Variants in ACTR3C observed in about 807,000 individuals in gnomAD.
ACTR3C encodes the protein actin related protein 3C, also known as actin-related protein 3C.
In ACTR3C, 18 loss-of-function variants were observed where a neutral mutation model predicts 26.3. The observed-to-expected ratio is 0.68, with a 90% CI of 0.47 to 1.01. The LOEUF is 1.01. Ranked by LOEUF, ACTR3C falls within the 50% of genes least tolerant of loss-of-function variation. The pLI, the probability that ACTR3C is intolerant of heterozygous loss-of-function variation, is 0.00. For missense variants in ACTR3C, 184 were observed against 250.7 expected, an observed-to-expected ratio of 0.73 and a Z score of 1.80; for synonymous variants, 55 against 94.5, an observed-to-expected ratio of 0.58 and a Z score of 2.42.
chr7:150,099,863 C>A, the ACTR3C span, among the ~76,000 whole-genome samples: 1 of 151,518 alleles, frequency 6.6e-6, no homozygotes, highest in African/African-American at 2.4e-5. Context: ...GCCAGGGACT[C>A]AGGTTTATGC....
At chr7:150,127,091 C>A in the ACTR3C span, among the ~76,000 whole-genome samples, 1 of 151,502 alleles carries the variant, frequency 6.6e-6, no homozygotes, top group South Asian at 2.1e-4. Context: ...GAGACCACAG[C>A]GCTCTCTCTG....
the ACTR3C span, among the ~76,000 whole-genome samples, chr7:149,886,753 C>T: frequency 2.0e-5 from 3 of 152,186 alleles, no homozygotes; most frequent in East Asian, 1.9e-4. Flanking sequence ...CCCAGGAGTT[C>T]GAGACCAGGC....
At chr7:150,058,784 G>A in the ACTR3C span, among the ~76,000 whole-genome samples, 7 of 152,128 alleles carry the variant, frequency 4.6e-5, no homozygotes, top group Middle Eastern at 3.4e-3. Context: ...ACCTGGTGGC[G>A]TATGACTGTA....
the ACTR3C span, chr7:150,044,967 T>C: frequency 2.4e-4 from 37 of 152,210 alleles, no homozygotes; most frequent in East Asian, 7.0e-3. Flanking sequence ...GTTTCAGCAC[T>C]TCAGACAGCT....
chr7:150,219,259 A>G, the ACTR3C span, among the ~76,000 whole-genome samples: 1 of 142,352 alleles, frequency 7.0e-6, no homozygotes, highest in African/African-American at 3.0e-5. Context: ...AATAAGAGCT[A>G]ATAAATATAT....
chr7:150,041,375 CCGT>C, the ACTR3C span: 1 of 138,684 alleles, frequency 7.2e-6, no homozygotes, highest in Non-Finnish European at 1.5e-5. Context: ...GCGTTCGGAC[CCGT>C]CTGATCGTAA....
chr7:150,276,502 A>G (rs534859555), intron 6 of ACTR3C, among the ~76,000 whole-genome samples: 2 of 152,334 alleles, frequency 1.3e-5, no homozygotes, highest in South Asian at 4.1e-4. Context: ...AGAGATTGCA[A>G]TCCCAGCGAA....
chr7:149,905,245 A>G, the ACTR3C span, among the ~76,000 whole-genome samples: 12 of 152,176 alleles, frequency 7.9e-5, no homozygotes, highest in Non-Finnish European at 1.8e-4. Flanking sequence ...AGATAAATAC[A>G]TCAAAGAAAC....
chr7:150,115,633 A>T, the ACTR3C span, among the ~76,000 whole-genome samples: 1 of 152,242 alleles, frequency 6.6e-6, no homozygotes, highest in Non-Finnish European at 1.5e-5. Flanking sequence ...ATCCTCAGTC[A>T]GTGGGAGGCA....
intron 1 of ACTR3C, among the ~76,000 whole-genome samples, chr7:150,309,997 G>T (rs1410502263): frequency 6.6e-6 from 1 of 152,140 alleles, no homozygotes; most frequent in African/African-American, 2.4e-5. Flanking sequence ...GCTGTTGTGG[G>T]TATTGACGGC....
the ACTR3C span, among the ~76,000 whole-genome samples, chr7:150,206,450 G>C: frequency 6.6e-6 from 1 of 152,020 alleles, no homozygotes; most frequent in Admixed American, 6.5e-5. Context: ...TTTCGCTCCT[G>C]TTGCCCAAGC....
the ACTR3C span, among the ~76,000 whole-genome samples, chr7:150,221,274 TTTTC>T: frequency 4.6e-5 from 7 of 151,034 alleles, no homozygotes; most frequent in South Asian, 4.2e-4. Context: ...AAGAGTTTTT[TTTTC>T]TTTCTTTCTT....
intron 3 of ACTR3C, among the ~76,000 whole-genome samples, chr7:150,291,292 G>C (rs1195274142): frequency 1.3e-5 from 2 of 152,180 alleles, no homozygotes; most frequent in African/African-American, 2.4e-5. Context: ...AGTCAGGCAT[G>C]GTGGCGCATG....
the ACTR3C span, among the ~76,000 whole-genome samples, chr7:150,042,506 C>A: frequency 6.7e-6 from 1 of 149,704 alleles, no homozygotes; most frequent in African/African-American, 2.5e-5. Flanking sequence ...GCGGGGATTG[C>A]CTCGCCCCCT....
At chr7:150,188,262 G>A in the ACTR3C span, among the ~76,000 whole-genome samples, 1 of 152,074 alleles carries the variant, frequency 6.6e-6, no homozygotes, top group Non-Finnish European at 1.5e-5. Flanking sequence ...TTTTTTCTGA[G>A]ATTCATCCAT....
the ACTR3C span, among the ~76,000 whole-genome samples, chr7:150,064,830 G>C: frequency 6.6e-6 from 1 of 151,888 alleles, no homozygotes; most frequent in East Asian, 1.9e-4. Context: ...AAGGAGAGTT[G>C]CTCTCCTATT....
At chr7:150,037,364 G>A in the ACTR3C span, among the ~76,000 whole-genome samples, 2 of 48,462 alleles carry the variant, frequency 4.1e-5, no homozygotes, top group Non-Finnish European at 5.1e-5. Context: ...CTCAGTCCCC[G>A]CCTCGCGGGG....
At chr7:150,205,478 C>T in the ACTR3C span, among the ~76,000 whole-genome samples, 23 of 152,310 alleles carry the variant, frequency 1.5e-4, no homozygotes, top group Non-Finnish European at 2.8e-4. Flanking sequence ...TGCACCTCTG[C>T]GCAATGTTAC....
At chr7:150,180,532 A>G in the ACTR3C span, among the ~76,000 whole-genome samples, 12 of 101,348 alleles carry the variant, frequency 1.2e-4, no homozygotes, top group East Asian at 2.7e-3. Flanking sequence ...TTTTTTTCTG[A>G]GAGGGAGTCT....
Sources: gnomAD v4.1 joint callset for allele counts (sites outside exome capture counted in the v4.1 genomes callset) on GRCh38, gnomAD v4.1.1 for gene constraint, MANE v1.5 for transcripts, NCBI Gene and HGNC (gene_info 2026-07-23, HGNC 2026-07-21) for gene names.